Variants in PCDHGA5 observed in about 807,000 individuals in gnomAD.
The protein encoded by PCDHGA5 is protocadherin gamma subfamily A, 5, also known as protocadherin gamma-A5.
PCDHGA5 carries 36 observed loss-of-function variants against 56.7 expected under a neutral mutation model. That is an observed-to-expected ratio of 0.64 (90% CI 0.49 to 0.84). PCDHGA5 has a LOEUF of 0.84. PCDHGA5 is among the 40% of genes least tolerant of loss of function. The probability of loss-of-function intolerance (pLI) is 0.00; values close to 1 mark genes in which losing one functional copy is unlikely to be tolerated. For missense variants in PCDHGA5, 1,305 were observed against 1,201.5 expected (o/e 1.09, Z -1.27); for synonymous variants, 563 against 520.2 (o/e 1.08, Z -1.12).
At chr5:141,375,743 G>T (rs1306571091) in intron 1 of PCDHGA5, 1 of 1,614,120 alleles carries the variant, frequency 6.2e-7, no homozygotes, top group African/African-American at 1.3e-5. Flanking sequence ...GTTTGTGCTG[G>T]ACCAGAATGA....
At chr5:141,418,898 A>G (rs768409383) in intron 1 of PCDHGA5, 2 of 1,614,016 alleles carry the variant, frequency 1.2e-6, no homozygotes, top group South Asian at 2.2e-5. Flanking sequence ...CAGCCCAGAA[A>G]TAATCATCAC....
intron 1 of PCDHGA5, chr5:141,367,582 AG>A (rs1765244187): frequency 6.6e-6 from 1 of 150,954 alleles, no homozygotes; most frequent in Non-Finnish European, 1.5e-5. Flanking sequence ...ATATCAGAAA[AG>A]TAGATAAAAT....
intron 1 of PCDHGA5, chr5:141,404,461 C>T: frequency 1.2e-6 from 2 of 1,613,208 alleles, no homozygotes; most frequent in Non-Finnish European, 1.7e-6. Flanking sequence ...CTCTCTCCAC[C>T]TATGTCTCTA....
chr5:141,444,800 A>G (rs1294854513), intron 1 of PCDHGA5, among the ~76,000 whole-genome samples: 1 of 152,078 alleles, frequency 6.6e-6, no homozygotes, highest in East Asian at 1.9e-4. Flanking sequence ...CTATTCTTTT[A>G]CTAATAGCAC....
At chr5:141,409,052 A>C in intron 1 of PCDHGA5, 2 of 1,614,050 alleles carry the variant, frequency 1.2e-6, no homozygotes, top group African/African-American at 1.3e-5. Context: ...CTTCCGAAGC[A>C]CTGCCCAGAG....
At chr5:141,416,215 A>G (rs969061407) in intron 1 of PCDHGA5, 1 of 152,400 alleles carries the variant, frequency 6.6e-6, no homozygotes, top group Non-Finnish European at 1.5e-5. Flanking sequence ...ATAACAATGT[A>G]TGCTTAGATT....
chr5:141,428,618 T>G (rs554092834), intron 1 of PCDHGA5: 12 of 206,130 alleles, frequency 5.8e-5, no homozygotes, highest in Admixed American at 2.6e-4. Context: ...AATAACAAGA[T>G]AAGCTCTAAC....
At chr5:141,463,438 CTTTTTTTTTTTTTT>C (rs71576115) in intron 1 of PCDHGA5, among the ~76,000 whole-genome samples, 7 of 103,256 alleles carry the variant, frequency 6.8e-5, no homozygotes, top group Non-Finnish European at 9.4e-5. Flanking sequence ...TTTCCTTCTC[CTTTTTTTTTTTTTT>C]TTTTTTTTTT....
chr5:141,474,703 C>A (rs2099353282), intron 1 of PCDHGA5, among the ~76,000 whole-genome samples: 1 of 152,188 alleles, frequency 6.6e-6, no homozygotes, highest in African/African-American at 2.4e-5. Flanking sequence ...GTTCAAGGTT[C>A]TATTATACTT....
intron 1 of PCDHGA5, among the ~76,000 whole-genome samples, chr5:141,397,411 T>G (rs1464488353): frequency 6.6e-6 from 1 of 152,210 alleles, no homozygotes; most frequent in East Asian, 1.9e-4. Context: ...AAAATAGTTT[T>G]AAATAGTATA....
chr5:141,427,658 C>A, intron 1 of PCDHGA5: 2 of 738,894 alleles, frequency 2.7e-6, no homozygotes, highest in Non-Finnish European at 4.8e-6. Context: ...ACGTGGTCCA[C>A]GTGGCCGAAA....
In PCDHGA5 at chr5:141,385,336, C is replaced by T. The variant is rs866774654; in HGVS notation, c.2421+18585C>T. 2.5e-6 allele frequency: 4 copies of T among 1,579,494 alleles called. No homozygotes were observed. In the African/African-American group the frequency reaches 5.4e-5, roughly 22 times the overall value. ...GCCAAGTATTCAGGTGAGCCCAGCC[C>T]TTCCTTTATTTCCATGAGGAATTTA... On this transcript the variant is annotated intron_variant, in intron 1 of 3. Coordinates refer to ENST00000518069, the MANE Select transcript of PCDHGA5 (RefSeq NM_018918.3).
At chr5:141,480,942 G>T (rs2099528600) in intron 1 of PCDHGA5, among the ~76,000 whole-genome samples, 3 of 152,132 alleles carry the variant, frequency 2.0e-5, no homozygotes, top group Non-Finnish European at 2.9e-5. Flanking sequence ...CTACTCTAGA[G>T]GCTGAGGCGG....
At chr5:141,386,930 G>A (rs555182145) in intron 1 of PCDHGA5, among the ~76,000 whole-genome samples, 29 of 152,300 alleles carry the variant, frequency 1.9e-4, no homozygotes, top group African/African-American at 6.0e-4. Flanking sequence ...AATAAGTGCA[G>A]AGGTAGGAAG....
intron 1 of PCDHGA5, chr5:141,404,341 A>C (rs2094516146): frequency 3.1e-6 from 5 of 1,613,966 alleles, no homozygotes; most frequent in Non-Finnish European, 4.2e-6. Context: ...ACCTCCCGGA[A>C]AACAACGCCA....
At chr5:141,393,094 A>T in intron 1 of PCDHGA5, 4 of 1,613,606 alleles carry the variant, frequency 2.5e-6, no homozygotes, top group Non-Finnish European at 3.4e-6. Flanking sequence ...GATCGGGAGG[A>T]GCTCTGCGCT....
chr5:141,477,087 C>A lies in PCDHGA5; in HGVS notation c.2422-17720C>A, dbSNP rs748424193. 14 of 1,614,244 alleles carry A rather than the reference C, an allele frequency of 8.7e-6. No individual in the cohort carries two copies. Among genetic ancestry groups the A allele is most frequent in the Non-Finnish European group, 8.5e-7 (1 of 1,180,048 alleles). On this transcript the variant is annotated intron_variant, in intron 1 of 3. Transcript: ENST00000518069. This position sits in a 1 kb window ranked among gnomAD's most constrained non-coding sequence, Gnocchi z 4.9. ...AAACTCCATGAGATTTACATCCAGG[C>A]CAAAGACAAGGGCGCCAATCCCGAA...
intron 1 of PCDHGA5, chr5:141,393,940 C>T: frequency 3.7e-6 from 6 of 1,613,928 alleles, no homozygotes; most frequent in Non-Finnish European, 5.1e-6. Flanking sequence ...GACCAAGACT[C>T]TGGAAAGAAT....
Position 141,365,732 on chromosome 5 carries a change from G to C in PCDHGA5, c.1402G>C (p.Gly468Arg), listed in dbSNP as rs780327572. Residue 468 changes from glycine (G) to arginine (R), a missense_variant, in exon 1 of 4, where the codon GGT becomes CGT. Physicochemically the swap from Gly to Arg is moderately radical, Grantham distance 125. Transcript: ENST00000518069. ...CTCTGTCACAGAAAACAATCCCAGAGGTGTCTCTATCTTCTCTGTGACAGC... is the reference window on the plus strand; with the variant it reads ...CTCTGTCACAGAAAACAATCCCAGACGTGTCTCTATCTTCTCTGTGACAGC... Reference protein sequence around the residue: ...STSVTENNPRGVSIFSVTAHD... With the variant: ...STSVTENNPRRVSIFSVTAHD... The C allele has an allele frequency of 6.2e-7, 1 of 1,613,694 alleles. No homozygotes were observed. Among genetic ancestry groups the C allele is most frequent in the Non-Finnish European group, 8.5e-7 (1 of 1,179,876 alleles).
Sources: allele counts gnomAD v4.1 joint callset (sites outside exome capture counted in the v4.1 genomes callset), GRCh38; gene constraint gnomAD v4.1.1; non-coding constraint Gnocchi (gnomAD v3.1); transcripts MANE v1.5; gene names NCBI Gene and HGNC (gene_info 2026-07-23, HGNC 2026-07-21).